The following DOCK8 variants were observed in gnomAD, a reference collection of about 807,000 sequenced individuals.
DOCK8 encodes the protein dedicator of cytokinesis 8.
Under a neutral mutation model 245.6 loss-of-function variants are expected in DOCK8, and 141 were observed. That is an observed-to-expected ratio of 0.57 (90% confidence interval 0.50 to 0.66). The LOEUF is 0.66. Among genes scored for constraint, DOCK8 ranks in the 30% least tolerant of loss-of-function variants. The pLI, the probability that DOCK8 is intolerant of heterozygous loss-of-function variation, is 0.00. For missense variants in DOCK8, 2,965 were observed against 2,603.4 expected (o/e 1.14, Z -3.02); for synonymous variants, 1,168 against 970.2 (o/e 1.20, Z -3.79).
chr9:241,414 T>G (rs1290992541), intron 1 of DOCK8, among the ~76,000 whole-genome samples: 1 of 152,172 alleles, frequency 6.6e-6, no homozygotes, highest in African/African-American at 2.4e-5. Flanking sequence ...CAGTAAACTC[T>G]GTTCTACTTT....
intron 2 of DOCK8, among the ~76,000 whole-genome samples, chr9:279,197 G>A (rs1310177519): frequency 1.3e-5 from 2 of 152,202 alleles, no homozygotes; most frequent in African/African-American, 4.8e-5. Flanking sequence ...TTGCAGAAGT[G>A]TGGAGGTATG....
At chr9:310,790 C>T (rs2050073574) in intron 5 of DOCK8, among the ~76,000 whole-genome samples, 1 of 152,190 alleles carries the variant, frequency 6.6e-6, no homozygotes, top group South Asian at 2.1e-4. Context: ...GCTAGATGTG[C>T]ACTTTAAATT....
chr9:369,931 A>G (rs1316748422), intron 15 of DOCK8: 2 of 397,678 alleles, frequency 5.0e-6, no homozygotes, highest in Non-Finnish European at 9.5e-6. Flanking sequence ...CCCCCTGAGT[A>G]GCAGGGACTA....
At chr9:406,714 T>C (rs1179317941) in intron 27 of DOCK8, among the ~76,000 whole-genome samples, 2 of 152,162 alleles carry the variant, frequency 1.3e-5, no homozygotes, top group East Asian at 1.9e-4. Flanking sequence ...TATTTTCATC[T>C]TTCCCGCTGG....
chr9:449,751 A>T (rs781365919), intron 44 of DOCK8, 33 bp from the exon 45 acceptor site: 41 of 1,612,138 alleles, frequency 2.5e-5, no homozygotes, highest in South Asian at 2.3e-4. Flanking sequence ...GAGACCAGAC[A>T]GTGACTTCCC....
intron 9 of DOCK8, 125 bp from the exon 10 acceptor site, chr9:332,271 AAT>A (rs2051045936): frequency 3.0e-6 from 2 of 657,188 alleles, no homozygotes; most frequent in African/African-American, 1.8e-5. Context: ...TTAATAAAAA[AAT>A]ATGTATCACA....
chr9:214,539 G>T, upstream of DOCK8: 3 of 1,613,186 alleles, frequency 1.9e-6, no homozygotes, highest in Non-Finnish European at 2.5e-6. Context: ...TCCCGACCTC[G>T]CCAGCTTTGT....
intron 22 of DOCK8, among the ~76,000 whole-genome samples, chr9:383,058 T>C (rs1472270578): frequency 1.0e-5 from 1 of 100,212 alleles, no homozygotes; most frequent in Non-Finnish European, 2.2e-5. Context: ...CTTTAATACC[T>C]ACCTCTTACG....
intron 28 of DOCK8, among the ~76,000 whole-genome samples, chr9:410,948 A>G (rs1278648971): frequency 6.6e-6 from 1 of 152,218 alleles, no homozygotes; most frequent in Non-Finnish European, 1.5e-5. Flanking sequence ...ACGATGAACA[A>G]TTGAAAGCCA....
chr9:452,155 T>C, intron 46 of DOCK8, 38 bp downstream of exon 46: 1 of 1,388,156 alleles, frequency 7.2e-7, no homozygotes, highest in Non-Finnish European at 1.0e-6. Context: ...AGTAGAGCAG[T>C]GGTTCTCAAA....
intron 1 of DOCK8, among the ~76,000 whole-genome samples, chr9:257,365 C>A (rs2047802834): frequency 6.6e-6 from 1 of 152,104 alleles, no homozygotes; most frequent in Non-Finnish European, 1.5e-5. Flanking sequence ...GATTACAGTC[C>A]TATGTCACTG....
chr9:211,419 G>A (rs141706470), upstream of DOCK8, among the ~76,000 whole-genome samples: 4 of 152,122 alleles, frequency 2.6e-5, no homozygotes, highest in Non-Finnish European at 5.9e-5. Flanking sequence ...TAAATGAGCA[G>A]AGAAGAAATA....
chr9:216,866 T>C (rs112239668), intron 1 of DOCK8, among the ~76,000 whole-genome samples: 3 of 152,246 alleles, frequency 2.0e-5, no homozygotes, highest in African/African-American at 7.2e-5. Context: ...GGGGTCGGTG[T>C]CACCTGGGGG....
intron 24 of DOCK8, among the ~76,000 whole-genome samples, chr9:394,057 C>T (rs942005560): frequency 6.6e-6 from 1 of 152,126 alleles, no homozygotes; most frequent in Non-Finnish European, 1.5e-5. Context: ...AAAAATGTTG[C>T]CACTACCAGG....
chr9:434,038 T>G, intron 38 of DOCK8, 63 bp downstream of exon 38: 1 of 1,143,922 alleles, frequency 8.7e-7, no homozygotes, highest in Non-Finnish European at 1.3e-6. Context: ...CACTGTGGAG[T>G]TCTTACTAAT....
rs1035993079 is a variant in DOCK8 at position 238,450 on chromosome 9, A to C, written c.53+23421A>C. On this transcript the variant is annotated intron_variant, in intron 1 of 47. Transcript: ENST00000432829. ...TAGATACTCAAAAAAGAAAATAAAA[A>C]GTTAACATGGACAAAGTAAAATAAA... 5.9e-5 allele frequency among the ~76,000 whole-genome samples: 9 copies of C among 152,360 alleles called. No individual in the cohort carries two copies. The South Asian group carries it at 8.3e-4, about 14-fold the overall frequency.
intron 13 of DOCK8, among the ~76,000 whole-genome samples, chr9:339,836 A>T (rs1444499832): frequency 6.6e-6 from 1 of 152,184 alleles, no homozygotes; most frequent in Admixed American, 6.6e-5. Flanking sequence ...TAAAACTCCC[A>T]ATTTTTACTG....
chr9:420,803 G>A, intron 31 of DOCK8, 146 bp from the exon 32 acceptor site: 1 of 1,270,672 alleles, frequency 7.9e-7, no homozygotes, highest in Non-Finnish European at 1.1e-6. Context: ...ACAGAGTTTT[G>A]GCCCATAGGA....
chr9:337,744 G>A (rs1422044986), intron 12 of DOCK8, among the ~76,000 whole-genome samples: 1 of 152,142 alleles, frequency 6.6e-6, no homozygotes, highest in African/African-American at 2.4e-5. Flanking sequence ...AGAGGGGTGG[G>A]GAGTCACTGG....
Sources: allele counts gnomAD v4.1 joint callset (sites outside exome capture counted in the v4.1 genomes callset), GRCh38; gene constraint gnomAD v4.1.1; transcripts MANE v1.5; gene names NCBI Gene and HGNC (gene_info 2026-07-23, HGNC 2026-07-21).